IFNG-AS1: variants seen among roughly 807,000 people sequenced by gnomAD.
IFNG-AS1 encodes the protein IFNG regulatory antisense RNA 1.
At position 67,991,537 on chromosome 12, in the gene IFNG-AS1, C is replaced by T. The variant is rs562231002; in HGVS notation, n.51+1958C>T. On this transcript the variant is annotated intron_variant and non_coding_transcript_variant, in intron 1 of 5. Transcript: ENST00000536914. Reference sequence around the variant, plus strand: ...TAGAGAAAATCTTGTTTCTTGCCACCTTAATGAATGAGGATAATAAGATCA... The same window carrying T: ...TAGAGAAAATCTTGTTTCTTGCCACTTTAATGAATGAGGATAATAAGATCA... 2.3e-4 allele frequency among the ~76,000 whole-genome samples: 35 copies of T among 152,302 alleles called. 1 individual carries two copies. In the South Asian group the frequency reaches 6.6e-3, roughly 29 times the overall value.
At chr12:68,016,545 A>G (rs1420758270) in intron 3 of IFNG-AS1, among the ~76,000 whole-genome samples, 1 of 152,140 alleles carries the variant, frequency 6.6e-6, no homozygotes, top group Non-Finnish European at 1.5e-5. Context: ...CATTCCAAAC[A>G]TGGAGATTAC....
intron 2 of IFNG-AS1, among the ~76,000 whole-genome samples, chr12:68,001,034 T>C (rs998163977): frequency 1.3e-5 from 2 of 152,130 alleles, no homozygotes; most frequent in African/African-American, 4.8e-5. Flanking sequence ...ACAAGACTCA[T>C]CACTACTCAA....
intron 2 of IFNG-AS1, among the ~76,000 whole-genome samples, chr12:67,997,098 C>A (rs1879659158): frequency 6.6e-6 from 1 of 151,886 alleles, no homozygotes; most frequent in Admixed American, 6.6e-5. Context: ...CAACAAAGAA[C>A]ATGAAACACT....
chr12:68,000,781 AT>A (rs1251399164), intron 2 of IFNG-AS1, among the ~76,000 whole-genome samples: 1 of 151,946 alleles, frequency 6.6e-6, no homozygotes, highest in Non-Finnish European at 1.5e-5. Context: ...CCATTGTTTT[AT>A]TTTTTTCTGC....
chr12:68,002,525 G>C (rs1879793609), intron 2 of IFNG-AS1, among the ~76,000 whole-genome samples: 1 of 152,106 alleles, frequency 6.6e-6, no homozygotes. Flanking sequence ...ATGGAAAAGG[G>C]GGTGGATTAC....
intron 3 of IFNG-AS1, chr12:68,006,267 G>A (rs1448823448): frequency 3.3e-5 from 5 of 152,288 alleles, no homozygotes; most frequent in African/African-American, 1.2e-4. Flanking sequence ...CTAATCAGCA[G>A]AGTAAATTTA....
At chr12:67,991,373 G>A (rs958410722) in intron 1 of IFNG-AS1, among the ~76,000 whole-genome samples, 1 of 152,176 alleles carries the variant, frequency 6.6e-6, no homozygotes, top group East Asian at 1.9e-4. Context: ...GGGGTTGAGA[G>A]GTGTGGCTGG....
At chr12:67,999,709 A>C (rs1338389714) in intron 2 of IFNG-AS1, among the ~76,000 whole-genome samples, 4 of 152,210 alleles carry the variant, frequency 2.6e-5, no homozygotes, top group Non-Finnish European at 4.4e-5. Flanking sequence ...AACGAGTGTC[A>C]AATAAATTAT....
At chr12:68,018,942 C>T (rs1242698730) in intron 3 of IFNG-AS1, among the ~76,000 whole-genome samples, 3 of 151,992 alleles carry the variant, frequency 2.0e-5, no homozygotes, top group African/African-American at 7.3e-5. Flanking sequence ...TTTACCACGC[C>T]TTTGAGTGGA....
intron 3 of IFNG-AS1, among the ~76,000 whole-genome samples, chr12:68,019,649 G>C (rs1475120170): frequency 6.6e-6 from 1 of 152,128 alleles, no homozygotes; most frequent in Non-Finnish European, 1.5e-5. Flanking sequence ...ATGTCAACTT[G>C]TACACTCACA....
At chr12:67,998,456 AAAAG>A (rs1404012866) in intron 2 of IFNG-AS1, among the ~76,000 whole-genome samples, 1 of 151,770 alleles carries the variant, frequency 6.6e-6, no homozygotes, top group Non-Finnish European at 1.5e-5. Context: ...AAGAAAAAGA[AAAAG>A]AAAGAAAACC....
intron 4 of IFNG-AS1, chr12:68,021,201 T>A (rs896688087): frequency 1.3e-5 from 2 of 152,208 alleles, no homozygotes; most frequent in Non-Finnish European, 2.9e-5. Context: ...TTTTCCCAAT[T>A]TAACTACAAG....
At chr12:67,998,244 A>G (rs1182330026) in intron 2 of IFNG-AS1, among the ~76,000 whole-genome samples, 1 of 152,120 alleles carries the variant, frequency 6.6e-6, no homozygotes, top group Non-Finnish European at 1.5e-5. Context: ...AAATATCTGA[A>G]CACAAGAGAG....
chr12:67,989,871 A>G (rs1879463766), intron 1 of IFNG-AS1, among the ~76,000 whole-genome samples: 2 of 152,202 alleles, frequency 1.3e-5, no homozygotes, highest in African/African-American at 4.8e-5. Flanking sequence ...ATCTCAGAAT[A>G]ACCTTGAAAT....
intron 1 of IFNG-AS1, among the ~76,000 whole-genome samples, chr12:67,994,904 C>A (rs11609077): frequency 0.11 from 16,469 of 152,236 alleles, 1,145 homozygotes; most frequent in East Asian, 0.23. Context: ...TACCTAACCT[C>A]TTTATGCCTC....
At chr12:67,993,502 T>G (rs1879563629) in intron 1 of IFNG-AS1, among the ~76,000 whole-genome samples, 1 of 152,174 alleles carries the variant, frequency 6.6e-6, no homozygotes, top group South Asian at 2.1e-4. Context: ...TCAAAAACAG[T>G]TCCATCTCTA....
intron 2 of IFNG-AS1, among the ~76,000 whole-genome samples, chr12:68,000,904 T>G (rs1380231942): frequency 6.6e-6 from 1 of 152,174 alleles, no homozygotes; most frequent in African/African-American, 2.4e-5. Flanking sequence ...AGTCGAATTT[T>G]ATGTACAGAT....
chr12:68,004,830 G>C (rs1476644197), intron 2 of IFNG-AS1, among the ~76,000 whole-genome samples: 5 of 151,972 alleles, frequency 3.3e-5, no homozygotes, highest in African/African-American at 1.2e-4. Flanking sequence ...GGAAAAATTG[G>C]ACTCTTCTCT....
rs1368605874 is a variant in IFNG-AS1, at chr12:68,018,369, C to A, written n.242-1493C>A. On this transcript the variant is annotated intron_variant and non_coding_transcript_variant, in intron 3 of 5. Transcript: ENST00000536914. Reference sequence around the variant, plus strand: ...ATTTAACTAAATTAAAAGCATAATACTCTCAGGGAACTCATCTCACAATCT... The same window carrying A: ...ATTTAACTAAATTAAAAGCATAATAATCTCAGGGAACTCATCTCACAATCT... Among the ~76,000 whole-genome samples, 7 of 152,194 alleles carry A rather than the reference C, an allele frequency of 4.6e-5. No individual in the cohort carries two copies. The East Asian group carries it at 7.7e-4, about 17-fold the overall frequency.
Sources: gnomAD v4.1 joint callset for allele counts (sites outside exome capture counted in the v4.1 genomes callset) on GRCh38, gnomAD v4.1.1 for gene constraint, MANE v1.5 for transcripts, NCBI Gene and HGNC (gene_info 2026-07-23, HGNC 2026-07-21) for gene names.